Variants in CENPW observed in about 807,000 individuals in gnomAD.
CENPW encodes the protein cancer-up-regulated gene 2 protein.
Under a neutral mutation model 11.1 loss-of-function variants are expected in CENPW, and 3 were observed. The ratio of observed to expected loss-of-function variants is 0.27; its 90% CI spans 0.12 to 0.70. The LOEUF is 0.70. CENPW is among the 30% of genes least tolerant of loss of function. The pLI is 0.77. For synonymous variants in CENPW, 38 were observed against 42.0 expected (o/e 0.91, Z 0.37); for missense variants, 100 against 105.6 (o/e 0.95, Z 0.23).
the CENPW span, among the ~76,000 whole-genome samples, chr6:126,416,292 C>G: frequency 6.6e-6 from 1 of 152,066 alleles, no homozygotes; most frequent in Non-Finnish European, 1.5e-5. Flanking sequence ...GCAAAGCATT[C>G]GAGAGGTGAC....
the CENPW span, among the ~76,000 whole-genome samples, chr6:126,379,032 T>C: frequency 6.6e-6 from 1 of 152,214 alleles, no homozygotes; most frequent in African/African-American, 2.4e-5. Context: ...GGCACTTCAG[T>C]GTCTGGCCTT....
the CENPW span, among the ~76,000 whole-genome samples, chr6:126,448,471 T>A: frequency 1.3e-5 from 2 of 151,094 alleles, no homozygotes; most frequent in African/African-American, 4.8e-5. Context: ...CTAACACATG[T>A]TCTACAATCA....
the CENPW span, among the ~76,000 whole-genome samples, chr6:126,372,689 A>G: frequency 6.6e-6 from 1 of 152,196 alleles, no homozygotes; most frequent in African/African-American, 2.4e-5. Flanking sequence ...CTAAAGGTAC[A>G]TGGCTATTTG....
chr6:126,405,781 C>T, the CENPW span, among the ~76,000 whole-genome samples: 1 of 151,776 alleles, frequency 6.6e-6, no homozygotes, highest in Non-Finnish European at 1.5e-5. Context: ...TTTTTAATTT[C>T]TTTTCCTCGT....
chr6:126,473,383 G>T, the CENPW span, among the ~76,000 whole-genome samples: 3 of 152,108 alleles, frequency 2.0e-5, no homozygotes, highest in East Asian at 5.8e-4. Context: ...TTAAATTATA[G>T]AATTCTAAGT....
chr6:126,351,414 G>A (rs2128290419), downstream of CENPW, among the ~76,000 whole-genome samples: 1 of 152,122 alleles, frequency 6.6e-6, no homozygotes, highest in Middle Eastern at 3.4e-3. Context: ...GTCAAAATGA[G>A]GATAGTAATA....
the CENPW span, among the ~76,000 whole-genome samples, chr6:126,366,401 G>C: frequency 1.3e-5 from 2 of 152,074 alleles, no homozygotes; most frequent in African/African-American, 4.8e-5. Flanking sequence ...TGAAGTTTCT[G>C]TTTTTAAAAT....
At chr6:126,459,775 CA>C in the CENPW span, among the ~76,000 whole-genome samples, 25 of 151,650 alleles carry the variant, frequency 1.6e-4, no homozygotes, top group Middle Eastern at 3.4e-3. Flanking sequence ...GATCACTCAA[CA>C]GACCATTAAA....
the CENPW span, among the ~76,000 whole-genome samples, chr6:126,380,102 CT>C: frequency 6.6e-6 from 1 of 152,110 alleles, no homozygotes; most frequent in African/African-American, 2.4e-5. Context: ...AGGGGAATTG[CT>C]TGTGGCACAA....
At chr6:126,372,456 T>A in the CENPW span, among the ~76,000 whole-genome samples, 1 of 152,172 alleles carries the variant, frequency 6.6e-6, no homozygotes, top group East Asian at 1.9e-4. Flanking sequence ...ATACTTGCGA[T>A]CTCAGTTGAT....
intron 1 of CENPW, 104 bp downstream of exon 1, chr6:126,340,503 C>A: frequency 6.5e-7 from 1 of 1,549,432 alleles, no homozygotes; most frequent in South Asian, 1.1e-5. Flanking sequence ...ATAGCTCTTT[C>A]AGGCCCCTGT....
At chr6:126,391,286 C>G in the CENPW span, among the ~76,000 whole-genome samples, 1 of 151,794 alleles carries the variant, frequency 6.6e-6, no homozygotes, top group East Asian at 1.9e-4. Context: ...AATATGTATT[C>G]AGATCTTTTC....
the CENPW span, among the ~76,000 whole-genome samples, chr6:126,467,630 T>A: frequency 6.6e-6 from 1 of 151,902 alleles, no homozygotes; most frequent in African/African-American, 2.4e-5. Context: ...ATATAAATGA[T>A]TGAATAAATA....
At chr6:126,448,861 C>T in the CENPW span, among the ~76,000 whole-genome samples, 2 of 151,116 alleles carry the variant, frequency 1.3e-5, no homozygotes, top group African/African-American at 2.4e-5. Context: ...CCCCAAAAGT[C>T]GGTTAAGAAC....
the CENPW span, among the ~76,000 whole-genome samples, chr6:126,469,959 T>A: frequency 6.6e-6 from 1 of 152,164 alleles, no homozygotes; most frequent in African/African-American, 2.4e-5. Context: ...GGAACTTATA[T>A]TTCAAAAGGA....
the CENPW span, among the ~76,000 whole-genome samples, chr6:126,360,434 A>T: frequency 6.6e-6 from 1 of 152,080 alleles, no homozygotes; most frequent in Admixed American, 6.6e-5. Flanking sequence ...GTACCTAGCT[A>T]GGGTTCTCAG....
At chr6:126,417,376 G>A in the CENPW span, among the ~76,000 whole-genome samples, 5 of 152,188 alleles carry the variant, frequency 3.3e-5, no homozygotes, top group Admixed American at 1.3e-4. Context: ...AGTTAATGTT[G>A]AAATGAGTTA....
intron 1 of CENPW, 83 bp downstream of exon 1, chr6:126,340,482 C>G (rs79621298): frequency 3.7e-6 from 6 of 1,604,072 alleles, no homozygotes; most frequent in Admixed American, 3.4e-5. Flanking sequence ...TTTTCCGCCC[C>G]GAGCCAATTT....
the CENPW span, among the ~76,000 whole-genome samples, chr6:126,410,853 G>A: frequency 6.6e-6 from 1 of 151,482 alleles, no homozygotes; most frequent in Non-Finnish European, 1.5e-5. Flanking sequence ...ATTTATTTTT[G>A]TTGGATTTCT....
Sources: allele counts gnomAD v4.1 joint callset (sites outside exome capture counted in the v4.1 genomes callset), GRCh38; gene constraint gnomAD v4.1.1; transcripts MANE v1.5; gene names NCBI Gene and HGNC (gene_info 2026-07-23, HGNC 2026-07-21).